E2F3: variants seen among roughly 807,000 people sequenced by gnomAD.
The protein encoded by E2F3 is E2F transcription factor 3, also known as transcription factor E2F3.
E2F3 carries 11 observed loss-of-function variants against 44.4 expected under a neutral mutation model. The observed-to-expected ratio is 0.25, with a 90% CI of 0.16 to 0.41. The LOEUF (loss-of-function observed/expected upper bound fraction) is 0.41, where lower values mean the gene tolerates loss of function less well. Among genes scored for constraint, E2F3 ranks in the 10% least tolerant of loss-of-function variants. The pLI is 1.00. For missense variants in E2F3, 487 were observed against 583.6 expected (o/e 0.83, Z 1.70); for synonymous variants, 249 against 253.0 (o/e 0.98, Z 0.15).
At chr6:20,464,276 A>G (rs1028628837) in intron 1 of E2F3, among the ~76,000 whole-genome samples, 1 of 152,212 alleles carries the variant, frequency 6.6e-6, no homozygotes, top group African/African-American at 2.4e-5. Flanking sequence ...TAAACACAGC[A>G]GCTCTTTGTC....
chr6:20,461,998 G>T (rs1406361709), intron 1 of E2F3, among the ~76,000 whole-genome samples: 1 of 152,114 alleles, frequency 6.6e-6, no homozygotes, highest in Non-Finnish European at 1.5e-5. Context: ...ATATTTCTCT[G>T]ACTTCGTATT....
Position 20,447,661 on chromosome 6 carries a change from G to A in E2F3, c.394-32185G>A, listed in dbSNP as rs183436898. ...GGTGCAGAGACTGCTACAAAATCAG[G>A]AGTCAAAAATCTAAGGGAATAGGCT... On this transcript the variant is annotated intron_variant, in intron 1 of 6. Coordinates refer to ENST00000346618, the MANE Select transcript of E2F3 (RefSeq NM_001949.5). Among the ~76,000 whole-genome samples, 41 of 152,138 alleles carry A rather than the reference G, an allele frequency of 2.7e-4. No individual in the cohort carries two copies. The East Asian group carries it at 7.7e-3, about 29-fold the overall frequency.
chr6:20,428,442 C>G (rs1170711361), intron 1 of E2F3, among the ~76,000 whole-genome samples: 1 of 152,112 alleles, frequency 6.6e-6, no homozygotes, highest in Non-Finnish European at 1.5e-5. Flanking sequence ...AGGCTGGTCT[C>G]GAACTCTTGA....
At chr6:20,403,941 CG>C (rs898047431) in intron 1 of E2F3, 9 of 610,452 alleles carry the variant, frequency 1.5e-5, no homozygotes, top group South Asian at 4.4e-5. Flanking sequence ...GGAGTGGGAA[CG>C]GGGGGTTGGG....
chr6:20,488,912 T>C (rs1329651406), intron 6 of E2F3, among the ~76,000 whole-genome samples: 1 of 152,104 alleles, frequency 6.6e-6, no homozygotes, highest in African/African-American at 2.4e-5. Flanking sequence ...GAGAATCACT[T>C]GAACCAGGGA....
intron 1 of E2F3, among the ~76,000 whole-genome samples, chr6:20,411,424 A>G (rs1759668257): frequency 1.3e-5 from 2 of 151,666 alleles, no homozygotes; most frequent in Admixed American, 6.6e-5. Context: ...CTCCTTTTTT[A>G]TGTTAGATCT....
At chr6:20,488,761 C>T (rs1293825098) in intron 6 of E2F3, among the ~76,000 whole-genome samples, 1 of 152,028 alleles carries the variant, frequency 6.6e-6, no homozygotes, top group African/African-American at 2.4e-5. Context: ...TTTGGGAGGC[C>T]GAGGCAGGCA....
chr6:20,430,575 G>A (rs1760366969), intron 1 of E2F3, among the ~76,000 whole-genome samples: 1 of 152,200 alleles, frequency 6.6e-6, no homozygotes, highest in South Asian at 2.1e-4. Context: ...ACATTCAGAA[G>A]TACCATATTT....
chr6:20,406,768 G>A (rs1368606323), intron 1 of E2F3, among the ~76,000 whole-genome samples: 6 of 152,068 alleles, frequency 3.9e-5, no homozygotes, highest in African/African-American at 1.4e-4. Context: ...ATGCTTAGCG[G>A]CTTTTGTTAG....
intron 1 of E2F3, among the ~76,000 whole-genome samples, chr6:20,463,207 C>T (rs562684223): frequency 5.3e-4 from 81 of 152,114 alleles, no homozygotes; most frequent in African/African-American, 1.9e-3. Flanking sequence ...AGGCATGAGC[C>T]CCACTGCACC....
intron 1 of E2F3, among the ~76,000 whole-genome samples, chr6:20,449,454 G>A (rs981220030): frequency 3.3e-5 from 5 of 152,066 alleles, no homozygotes; most frequent in Middle Eastern, 3.4e-3. Flanking sequence ...AAGCTTTTCA[G>A]ACACTCTTTC....
At chr6:20,441,945 A>G (rs556314380) in intron 1 of E2F3, among the ~76,000 whole-genome samples, 2 of 151,708 alleles carry the variant, frequency 1.3e-5, no homozygotes, top group South Asian at 2.1e-4. Context: ...CTAGCCATGC[A>G]CTAGGGGATT....
chr6:20,404,955 A>G (rs1307558857), intron 1 of E2F3, among the ~76,000 whole-genome samples: 1 of 152,206 alleles, frequency 6.6e-6, no homozygotes, highest in Admixed American at 6.5e-5. Flanking sequence ...ACAACCAGCT[A>G]TTGACATACT....
At chr6:20,450,546 T>C (rs1478800791) in intron 1 of E2F3, among the ~76,000 whole-genome samples, 1 of 152,214 alleles carries the variant, frequency 6.6e-6, no homozygotes, top group African/African-American at 2.4e-5. Flanking sequence ...GATGCATAGT[T>C]TGCAAAAATT....
intron 1 of E2F3, among the ~76,000 whole-genome samples, chr6:20,440,337 G>A (rs931077595): frequency 6.6e-6 from 1 of 152,156 alleles, no homozygotes; most frequent in Non-Finnish European, 1.5e-5. Context: ...CACTCTTCCA[G>A]AATGTTCCAA....
chr6:20,486,305 C>T (rs919863272), intron 4 of E2F3, among the ~76,000 whole-genome samples: 3 of 152,198 alleles, frequency 2.0e-5, no homozygotes, highest in African/African-American at 7.2e-5. Context: ...AGGAGTCTCG[C>T]TCTGTCGCCC....
intron 3 of E2F3, among the ~76,000 whole-genome samples, chr6:20,481,836 C>A (rs956229404): frequency 6.6e-6 from 1 of 151,986 alleles, no homozygotes; most frequent in African/African-American, 2.4e-5. Context: ...TATGTGTATA[C>A]GTACAACTGC....
At chr6:20,488,956 G>T (rs4134977) in intron 6 of E2F3, among the ~76,000 whole-genome samples, 1,717 of 152,190 alleles carry the variant, frequency 0.011, 41 homozygotes, top group African/African-American at 0.039. Context: ...ATCCGCCACT[G>T]CACTCCAGCC....
At chr6:20,479,806 C>A in intron 1 of E2F3, 40 bp from the exon 2 acceptor site, 1 of 1,554,996 alleles carries the variant, frequency 6.4e-7, no homozygotes, top group African/African-American at 1.4e-5. Flanking sequence ...TGTTCTTGTC[C>A]ATATGACCGG....
Sources: gnomAD v4.1 joint callset for allele counts (sites outside exome capture counted in the v4.1 genomes callset) on GRCh38, gnomAD v4.1.1 for gene constraint, MANE v1.5 for transcripts, NCBI Gene and HGNC (gene_info 2026-07-23, HGNC 2026-07-21) for gene names.